Variants in EPHA5 observed in about 807,000 individuals in gnomAD.
EPHA5 encodes ephrin type-A receptor 5.
In EPHA5, 60 loss-of-function variants were observed where a neutral mutation model predicts 105.0. The ratio of observed to expected loss-of-function variants is 0.57; its 90% CI spans 0.46 to 0.71. The LOEUF (loss-of-function observed/expected upper bound fraction) is 0.71. Among genes scored for constraint, EPHA5 ranks in the 30% least tolerant of loss-of-function variants. The pLI is 0.00. For missense variants in EPHA5, 1,218 were observed against 1,274.7 expected (o/e 0.96, Z 0.68); for synonymous variants, 513 against 449.1 (o/e 1.14, Z -1.80).
At chr4:65,369,461 C>T (rs952185654) in intron 8 of EPHA5, among the ~76,000 whole-genome samples, 1 of 151,962 alleles carries the variant, frequency 6.6e-6, no homozygotes, top group Non-Finnish European at 1.5e-5. Flanking sequence ...ATTTTCATTA[C>T]AAAATTGGTT....
At chr4:65,580,440 T>C (rs899603531) in intron 3 of EPHA5, among the ~76,000 whole-genome samples, 2 of 151,808 alleles carry the variant, frequency 1.3e-5, no homozygotes, top group African/African-American at 4.8e-5. Flanking sequence ...AAATATAAAA[T>C]GCAGTCCTTC....
chr4:65,489,527 C>A (rs1164690849), intron 5 of EPHA5, among the ~76,000 whole-genome samples: 1 of 152,140 alleles, frequency 6.6e-6, no homozygotes, highest in Non-Finnish European at 1.5e-5. Context: ...AACTTTTTGG[C>A]TTTAATGCCT....
chr4:65,588,344 A>C (rs543645064), intron 3 of EPHA5, among the ~76,000 whole-genome samples: 1 of 152,232 alleles, frequency 6.6e-6, no homozygotes, highest in East Asian at 1.9e-4. Context: ...TTTACACTGC[A>C]CTTGAAAGTC....
chr4:65,665,209 T>C (rs906639316), intron 1 of EPHA5, among the ~76,000 whole-genome samples: 2 of 151,858 alleles, frequency 1.3e-5, no homozygotes, highest in African/African-American at 4.8e-5. Context: ...ATTTTTACAG[T>C]CAAAGGTAGA....
In EPHA5 at chr4:65,619,143, G is replaced by A. The variant is rs755619616; in HGVS notation, c.247-16839C>T. On this transcript the variant is annotated intron_variant, in intron 2 of 16. Coordinates refer to ENST00000613740, the MANE Select transcript of EPHA5 (RefSeq NM_001281766.3). ...AGCCTGGAAGACAGAGTGAGACTCC[G>A]TCCAAAAAAAAAGAATAAACAAATT... Among the ~76,000 whole-genome samples, 5 of 151,698 alleles carry A rather than the reference G, an allele frequency of 3.3e-5. No homozygotes were observed. In the East Asian group the frequency reaches 7.8e-4, roughly 24 times the overall value.
intron 5 of EPHA5, among the ~76,000 whole-genome samples, chr4:65,458,270 G>A (rs1443656128): frequency 6.6e-6 from 1 of 151,906 alleles, no homozygotes; most frequent in South Asian, 2.1e-4. Flanking sequence ...AATGCATAGA[G>A]AATTAAATGA....
chr4:65,601,641 C>G lies in EPHA5; in HGVS notation c.910G>C (p.Val304Leu). 1 of 1,612,128 alleles carries G rather than the reference C, an allele frequency of 6.2e-7. No homozygotes were observed. The highest frequency in any genetic ancestry group is 8.5e-7 in the Non-Finnish European group (1 of 1,178,488). ...GYEEKNGTCQ[V>L]CRPGFFKASP... ...TGCAGATCTGGAGGCAAACTCTTAC[C>G]TTGACAGGTGCCATTTTTCTCTTCA... Residue 304 changes from valine to leucine, a missense_variant and splice_region_variant, in exon 3 of 17, where the codon GTG becomes CTG. Coordinates refer to ENST00000613740, the MANE Select transcript of EPHA5 (RefSeq NM_001281766.3).
chr4:65,334,818 C>G (rs1218978544), intron 15 of EPHA5, among the ~76,000 whole-genome samples: 1 of 151,588 alleles, frequency 6.6e-6, no homozygotes, highest in Non-Finnish European at 1.5e-5. Flanking sequence ...TTTTTTTTTA[C>G]TCCTTTTGTA....
intron 16 of EPHA5, among the ~76,000 whole-genome samples, chr4:65,326,031 C>CAT (rs1011724770): frequency 7.5e-5 from 11 of 146,232 alleles, no homozygotes; most frequent in African/African-American, 2.8e-4. Context: ...ATATATATCT[C>CAT]ATATATATAT....
intron 3 of EPHA5, among the ~76,000 whole-genome samples, chr4:65,579,166 A>C (rs1047871815): frequency 6.6e-6 from 1 of 151,514 alleles, no homozygotes; most frequent in African/African-American, 2.4e-5. Context: ...TGGAAATTAT[A>C]TTTTCTTCAA....
At chr4:65,429,926 C>A (rs1484030730) in intron 5 of EPHA5, among the ~76,000 whole-genome samples, 1 of 151,972 alleles carries the variant, frequency 6.6e-6, no homozygotes, top group Non-Finnish European at 1.5e-5. Context: ...ATCACAATAT[C>A]TTTAAATAGC....
At chr4:65,470,752 C>A (rs1204088533) in intron 5 of EPHA5, among the ~76,000 whole-genome samples, 1 of 152,072 alleles carries the variant, frequency 6.6e-6, no homozygotes, top group African/African-American at 2.4e-5. Flanking sequence ...GTTACATATG[C>A]GACTTCACAG....
chr4:65,364,978 G>C (rs774404793), intron 11 of EPHA5, 39 bp downstream of exon 11: 1 of 1,531,298 alleles, frequency 6.5e-7, no homozygotes, highest in Non-Finnish European at 9.0e-7. Context: ...CAGATATTGA[G>C]GATATGCACA....
At chr4:65,346,620 T>C (rs931175441) in intron 14 of EPHA5, among the ~76,000 whole-genome samples, 5 of 151,996 alleles carry the variant, frequency 3.3e-5, no homozygotes, top group African/African-American at 7.3e-5. Flanking sequence ...AAAGGCAAAA[T>C]TGACAAATGG....
At chr4:65,356,112 T>C (rs1723272930) in intron 11 of EPHA5, among the ~76,000 whole-genome samples, 1 of 151,566 alleles carries the variant, frequency 6.6e-6, no homozygotes, top group Non-Finnish European at 1.5e-5. Context: ...ACAGACGCTG[T>C]GCTCCACTAA....
chr4:65,579,241 AGTTAT>A (rs1429507465), intron 3 of EPHA5, among the ~76,000 whole-genome samples: 1 of 151,040 alleles, frequency 6.6e-6, no homozygotes, highest in Non-Finnish European at 1.5e-5. Flanking sequence ...CCATCATATT[AGTTAT>A]GTTATCAGTG....
intron 2 of EPHA5, among the ~76,000 whole-genome samples, chr4:65,629,338 C>A (rs1746425242): frequency 6.6e-6 from 1 of 152,072 alleles, no homozygotes. Flanking sequence ...TTTGCCTACT[C>A]ATAATAACTG....
chr4:65,600,626 G>A (rs1743626307), intron 3 of EPHA5, among the ~76,000 whole-genome samples: 1 of 152,032 alleles, frequency 6.6e-6, no homozygotes, highest in African/African-American at 2.4e-5. Flanking sequence ...AAAAATAAAT[G>A]CACCTGAAGC....
At chr4:65,612,634 G>A (rs1200740444) in intron 2 of EPHA5, among the ~76,000 whole-genome samples, 1 of 152,136 alleles carries the variant, frequency 6.6e-6, no homozygotes, top group Non-Finnish European at 1.5e-5. Context: ...GAGAAACATA[G>A]AGGTACAAGA....
Sources: allele counts gnomAD v4.1 joint callset (sites outside exome capture counted in the v4.1 genomes callset), GRCh38; gene constraint gnomAD v4.1.1; transcripts MANE v1.5; gene names NCBI Gene and HGNC (gene_info 2026-07-23, HGNC 2026-07-21).